Variants in PTPRG observed in about 807,000 individuals in gnomAD.
PTPRG encodes receptor-type tyrosine-protein phosphatase gamma.
A neutral mutation model predicts 165.3 loss-of-function variants in PTPRG; 102 were observed. The observed-to-expected ratio is 0.62, with a 90% confidence interval of 0.53 to 0.73. PTPRG has a LOEUF of 0.73. Ranked by LOEUF, PTPRG falls within the 30% of genes least tolerant of loss-of-function variation. The pLI, the probability that PTPRG is intolerant of heterozygous loss-of-function variation, is 0.00. For synonymous variants in PTPRG, 675 were observed against 669.5 expected (o/e 1.01, Z -0.13); for missense variants, 1,866 against 1,861.4 (o/e 1.00, Z -0.05).
intron 2 of PTPRG, among the ~76,000 whole-genome samples, chr3:61,774,574 A>T (rs1367085867): frequency 6.6e-6 from 1 of 152,254 alleles, no homozygotes; most frequent in Non-Finnish European, 1.5e-5. Flanking sequence ...GCAAATTTCA[A>T]GTCTGTTCCA....
At chr3:62,186,059 A>C (rs1020154851) in intron 8 of PTPRG, among the ~76,000 whole-genome samples, 3 of 152,322 alleles carry the variant, frequency 2.0e-5, no homozygotes, top group African/African-American at 4.8e-5. Context: ...CTTTGGAAGC[A>C]CAAGGCACAG....
At chr3:61,783,918 G>A (rs1345154948) in intron 2 of PTPRG, among the ~76,000 whole-genome samples, 1 of 152,184 alleles carries the variant, frequency 6.6e-6, no homozygotes, top group East Asian at 1.9e-4. Context: ...GGAGGTGCTA[G>A]CTGGATGTAC....
At chr3:61,993,943 C>T (rs1021704772) in intron 3 of PTPRG, among the ~76,000 whole-genome samples, 2 of 152,152 alleles carry the variant, frequency 1.3e-5, no homozygotes, top group Admixed American at 6.5e-5. Context: ...CTGTCTTAAT[C>T]CCCTGAGAGT....
chr3:61,592,641 C>CTT lies in PTPRG; in HGVS notation c.85+30271_85+30272dup, dbSNP rs773860673. Among the ~76,000 whole-genome samples the CTT allele has an allele frequency of 3.4e-3, 482 of 139,812 alleles. 7 individuals carry two copies. Among genetic ancestry groups the CTT allele is most frequent in the Middle Eastern group, 0.015 (4 of 260 alleles). The allele number at this position is 139,812 out of a possible 152,430, so 91.7% of individuals were successfully genotyped here. ...CTTTTCTCTCTCTTTTTCTTTCTTT[C>CTT]TTTCTTTCTTTTTTTTTTTTTTTAA... On this transcript the variant is annotated intron_variant, in intron 1 of 29. Transcript: ENST00000474889.
At chr3:62,122,604 C>G (rs1453135396) in intron 5 of PTPRG, among the ~76,000 whole-genome samples, 1 of 152,184 alleles carries the variant, frequency 6.6e-6, no homozygotes, top group Non-Finnish European at 1.5e-5. Flanking sequence ...CACTTAGGTT[C>G]TGTGCTGCAA....
At chr3:61,780,655 G>T (rs1204469969) in intron 2 of PTPRG, among the ~76,000 whole-genome samples, 1 of 152,158 alleles carries the variant, frequency 6.6e-6, no homozygotes, top group Admixed American at 6.5e-5. Flanking sequence ...TTCCTAGTCA[G>T]TCCCTACTGA....
At chr3:61,594,014 A>G (rs1700636454) in intron 1 of PTPRG, among the ~76,000 whole-genome samples, 1 of 152,186 alleles carries the variant, frequency 6.6e-6, no homozygotes, top group Non-Finnish European at 1.5e-5. Flanking sequence ...CAGGATGTTC[A>G]CTGTGGCTCG....
intron 5 of PTPRG, among the ~76,000 whole-genome samples, chr3:62,121,013 CG>C (rs1703047572): frequency 6.6e-6 from 1 of 151,752 alleles, no homozygotes; most frequent in Non-Finnish European, 1.5e-5. Context: ...GGCCCTATCT[CG>C]GCTCACTGCA....
At chr3:61,585,090 G>A (rs1034452497) in intron 1 of PTPRG, among the ~76,000 whole-genome samples, 1 of 151,894 alleles carries the variant, frequency 6.6e-6, no homozygotes, top group Non-Finnish European at 1.5e-5. Context: ...AGACCAGCCT[G>A]GCCAACATGG....
chr3:61,676,456 CAAAAAA>C (rs71629138), intron 1 of PTPRG, among the ~76,000 whole-genome samples: 6 of 21,868 alleles, frequency 2.7e-4, no homozygotes, highest in African/African-American at 4.4e-4. Flanking sequence ...GACTCCATCT[CAAAAAA>C]AAAAAAAAAA....
chr3:61,694,025 A>AAGAGAG (rs770989000), intron 1 of PTPRG, among the ~76,000 whole-genome samples: 2 of 145,938 alleles, frequency 1.4e-5, no homozygotes, highest in African/African-American at 5.1e-5. Flanking sequence ...AAAAAAAAAA[A>AAGAGAG]AGAGAGAGAG....
rs75967718 is a variant in PTPRG at position 62,133,207 on chromosome 3, A to G, written c.682+539A>G. ...AAGATAAATGGGTTCTGTCTTTTCC[A>G]ACTGGTTTTTATTGGAAGAATTTCC... is the stretch of plus-strand genomic sequence containing the variant. On this transcript the variant is annotated intron_variant, in intron 6 of 29. Transcript: ENST00000474889. Among the ~76,000 whole-genome samples the G allele has an allele frequency of 9.2e-5, 14 of 152,324 alleles. No individual in the cohort carries two copies. In the East Asian group the frequency reaches 2.7e-3, roughly 29 times the overall value.
chr3:62,241,764 A>G (rs949920576), intron 14 of PTPRG, among the ~76,000 whole-genome samples: 6 of 152,188 alleles, frequency 3.9e-5, no homozygotes, highest in Non-Finnish European at 5.9e-5. Context: ...CATAATAATT[A>G]TGGTCTTAAA....
Position 61,763,827 on chromosome 3 carries a change from A to G in PTPRG, c.190+14845A>G, listed in dbSNP as rs563553956. ...AAGCTCCATGAATTTGGAGTCCTTT[A>G]TGGTATTCCTAGCTTCCCTGTACTC... On this transcript the variant is annotated intron_variant, in intron 2 of 29. Coordinates refer to ENST00000474889, the MANE Select transcript of PTPRG (RefSeq NM_002841.4). Among the ~76,000 whole-genome samples the G allele has an allele frequency of 6.1e-4, 93 of 152,314 alleles. 1 individual carries two copies. The highest frequency in any genetic ancestry group is 6.8e-3 in the Middle Eastern group (2 of 294).
intron 2 of PTPRG, among the ~76,000 whole-genome samples, chr3:61,811,104 C>G (rs1216770708): frequency 1.3e-5 from 2 of 152,156 alleles, no homozygotes; most frequent in Non-Finnish European, 2.9e-5. Flanking sequence ...GCTGTGCCTC[C>G]CAATTAGGCC....
At chr3:61,680,603 A>C (rs1356139946) in intron 1 of PTPRG, among the ~76,000 whole-genome samples, 14 of 2,170 alleles carry the variant, frequency 6.5e-3, no homozygotes, top group African/African-American at 7.3e-3. Flanking sequence ...CTGTCCTTCA[A>C]AAAAAAAAAT....
At chr3:61,825,930 C>T (rs542313133) in intron 2 of PTPRG, among the ~76,000 whole-genome samples, 3 of 72,524 alleles carry the variant, frequency 4.1e-5, no homozygotes, top group South Asian at 4.7e-4. Context: ...GGATTACAGG[C>T]GTGCGTGAGC....
intron 4 of PTPRG, among the ~76,000 whole-genome samples, chr3:62,058,202 A>G (rs1700691610): frequency 6.6e-6 from 1 of 152,212 alleles, no homozygotes; most frequent in Non-Finnish European, 1.5e-5. Flanking sequence ...AGCCCAAGCT[A>G]TCTTTATTGT....
At chr3:61,647,115 G>A (rs1702220129) in intron 1 of PTPRG, among the ~76,000 whole-genome samples, 1 of 152,138 alleles carries the variant, frequency 6.6e-6, no homozygotes, top group Non-Finnish European at 1.5e-5. Flanking sequence ...ATTTCTCTGA[G>A]ATAAATGCTC....
Sources: gnomAD v4.1 joint callset for allele counts (sites outside exome capture counted in the v4.1 genomes callset) on GRCh38, gnomAD v4.1.1 for gene constraint, MANE v1.5 for transcripts, NCBI Gene and HGNC (gene_info 2026-07-23, HGNC 2026-07-21) for gene names.